Variants in ATP10D observed in about 807,000 individuals in gnomAD.
ATP10D encodes ATPase phospholipid transporting 10D (putative), also known as phospholipid-transporting ATPase VD.
In ATP10D, 89 loss-of-function variants were observed where a neutral mutation model predicts 144.8. The observed-to-expected ratio is 0.61, with a 90% confidence interval of 0.52 to 0.73. The LOEUF (loss-of-function observed/expected upper bound fraction) is 0.73, where lower values mean the gene tolerates loss of function less well. Among genes scored for constraint, ATP10D ranks in the 30% least tolerant of loss-of-function variants. ATP10D has a pLI of 0.00. For synonymous variants in ATP10D, 571 were observed against 615.1 expected, an observed-to-expected ratio of 0.93 and a Z score of 1.06; for missense variants, 1,603 against 1,714.8, an observed-to-expected ratio of 0.93 and a Z score of 1.15.
In ATP10D at chr4:47,535,940, C is replaced by A. The variant is rs773093019; in HGVS notation, c.922C>A (p.Arg308=). 3.7e-6 allele frequency: 6 copies of A among 1,612,842 alleles called. No homozygotes were observed. In the South Asian group the frequency reaches 5.5e-5, roughly 15 times the overall value. ...TKAMLNNSGP[R]YKRSKLERRA... ...AGCAATGCTGAACAACAGTGGGCCA[C>A]GGTATAAGCGCAGCAAATTAGAAAG... Residue 308 remains arginine, a synonymous_variant, in exon 7 of 23, where the codon CGG becomes AGG. Transcript: ENST00000273859.
At position 47,531,235 on chromosome 4, in the gene ATP10D, A is replaced by G. The variant is rs182097097; in HGVS notation, c.777-4274A>G. Among the ~76,000 whole-genome samples, 353 of 152,320 alleles carry G rather than the reference A, an allele frequency of 2.3e-3. 3 individuals are homozygous for G. The highest frequency in any genetic ancestry group is 7.5e-3 in the African/African-American group (310 of 41,566). On this transcript the variant is annotated intron_variant, in intron 5 of 22. Transcript: ENST00000273859. ...ATAGCATCTGTAAGTAGCACTGGAT[A>G]CAGACATCTGATAGGGTAGGGACAG...
chr4:47,538,544 C>G (rs1477304285), intron 9 of ATP10D, among the ~76,000 whole-genome samples: 1 of 152,168 alleles, frequency 6.6e-6, no homozygotes, highest in Non-Finnish European at 1.5e-5. Flanking sequence ...CACAAATATG[C>G]TGTCTCACAG....
rs146303782 is a variant in ATP10D, at chr4:47,486,037, C to T, written c.-38+518C>T. 5.9e-3 allele frequency among the ~76,000 whole-genome samples: 902 copies of T among 152,214 alleles called. 7 individuals carry two copies. The highest frequency in any genetic ancestry group is 0.027 in the Middle Eastern group (8 of 294). On this transcript the variant is annotated intron_variant, in intron 1 of 22. Transcript: ENST00000273859. ...AAGGTTGATTCCCTAAGGTTGATTC[C>T]TTAGGAAGAAAAAGGTGTTTGTATT... is the stretch of plus-strand genomic sequence containing the variant.
At chr4:47,549,876 C>T (rs977467750) in intron 10 of ATP10D, among the ~76,000 whole-genome samples, 8 of 151,192 alleles carry the variant, frequency 5.3e-5, no homozygotes, top group African/African-American at 1.7e-4. Flanking sequence ...TACGTGCAGA[C>T]GTTCAGAACC....
intron 21 of ATP10D, among the ~76,000 whole-genome samples, chr4:47,585,029 C>T (rs1259375918): frequency 6.6e-6 from 1 of 152,134 alleles, no homozygotes; most frequent in African/African-American, 2.4e-5. Flanking sequence ...ACCAATAGTA[C>T]ACACCATGAT....
intron 9 of ATP10D, among the ~76,000 whole-genome samples, chr4:47,543,811 G>A (rs1305536078): frequency 6.7e-6 from 1 of 148,654 alleles, no homozygotes; most frequent in African/African-American, 2.5e-5. Flanking sequence ...AGATAAAAAG[G>A]AAATAGGTAT....
intron 1 of ATP10D, among the ~76,000 whole-genome samples, chr4:47,504,564 C>CA (rs1553891069): frequency 6.7e-6 from 1 of 149,082 alleles, no homozygotes; most frequent in Non-Finnish European, 1.5e-5. Context: ...GTCAAGGAGA[C>CA]TTTTTTTTTT....
At chr4:47,572,756 A>C in intron 17 of ATP10D, 116 bp from the exon 18 acceptor site, 1 of 1,345,726 alleles carries the variant, frequency 7.4e-7, no homozygotes, top group South Asian at 1.3e-5. Context: ...TGTATGGAAC[A>C]AATGCGGTCA....
intron 22 of ATP10D, 97 bp downstream of exon 22, chr4:47,587,303 T>G: frequency 9.4e-7 from 1 of 1,067,646 alleles, no homozygotes; most frequent in Non-Finnish European, 1.4e-6. Context: ...CAGCCCACCC[T>G]GTTTAGTAGT....
chr4:47,572,630 C>T (rs577604658), intron 17 of ATP10D, among the ~76,000 whole-genome samples: 48 of 128,484 alleles, frequency 3.7e-4, no homozygotes, highest in Non-Finnish European at 1.1e-4. Flanking sequence ...GTGGGAGTGT[C>T]CTATTTGTGC....
chr4:47,502,462 T>C (rs145573210), intron 1 of ATP10D, among the ~76,000 whole-genome samples: 115 of 140,126 alleles, frequency 8.2e-4, no homozygotes, highest in African/African-American at 2.9e-3. Context: ...AGAGTGAGAC[T>C]ACGTCTCATA....
chr4:47,499,579 T>C (rs989380003), intron 1 of ATP10D, among the ~76,000 whole-genome samples: 2 of 152,188 alleles, frequency 1.3e-5, no homozygotes, highest in African/African-American at 4.8e-5. Flanking sequence ...CTTATGGAAA[T>C]GCTTTGAAGA....
intron 3 of ATP10D, among the ~76,000 whole-genome samples, chr4:47,522,360 C>T (rs531391914): frequency 4.5e-4 from 68 of 152,276 alleles, no homozygotes; most frequent in Non-Finnish European, 7.6e-4. Flanking sequence ...GACCACAGAG[C>T]AGCATGAAGG....
At chr4:47,530,341 G>A (rs751002291) in intron 5 of ATP10D, among the ~76,000 whole-genome samples, 1 of 152,096 alleles carries the variant, frequency 6.6e-6, no homozygotes, top group South Asian at 2.1e-4. Flanking sequence ...CACCTAGTTT[G>A]TTGAGGATTT....
intron 1 of ATP10D, among the ~76,000 whole-genome samples, chr4:47,511,800 A>G (rs533150310): frequency 6.6e-6 from 1 of 152,250 alleles, no homozygotes; most frequent in South Asian, 2.1e-4. Flanking sequence ...GGTGTTATTT[A>G]TGTATTTATA....
chr4:47,517,341 G>A (rs116620955), intron 3 of ATP10D, among the ~76,000 whole-genome samples: 2,459 of 152,244 alleles, frequency 0.016, 40 homozygotes, highest in Admixed American at 0.025. Flanking sequence ...GCCTGAGCCC[G>A]GGAGGTGGAG....
rs1718908996 is a variant in ATP10D, at chr4:47,555,029, A to T, written c.1824+115A>T. On this transcript the variant is annotated intron_variant, in intron 11 of 22. Coordinates refer to ENST00000273859, the MANE Select transcript of ATP10D (RefSeq NM_020453.4). ...AAAAATGATAAATAATAGTAGCTGT[A>T]TAACACTGATTCAGCATTTGTTCTG... 8.8e-6 allele frequency: 8 copies of T among 907,834 alleles called. No homozygotes were observed. The Admixed American group carries it at 1.8e-4, about 21-fold the overall frequency. The allele number at this position is 907,834 out of a possible 1,614,324, so 56.2% of individuals were successfully genotyped here. A position where few individuals can be genotyped will look rare whatever the true frequency, so the allele number is the denominator to read the frequency against.
chr4:47,507,992 A>T (rs1716113043), intron 1 of ATP10D, among the ~76,000 whole-genome samples: 1 of 152,170 alleles, frequency 6.6e-6, no homozygotes, highest in African/African-American at 2.4e-5. Flanking sequence ...TCCTTAACTC[A>T]TTGGGAGTAC....
intron 5 of ATP10D, among the ~76,000 whole-genome samples, chr4:47,532,941 C>G (rs984759333): frequency 6.6e-6 from 1 of 152,118 alleles, no homozygotes; most frequent in African/African-American, 2.4e-5. Context: ...TATGTGACAG[C>G]CAGTGCCTCA....
Sources: allele counts gnomAD v4.1 joint callset (sites outside exome capture counted in the v4.1 genomes callset), GRCh38; gene constraint gnomAD v4.1.1; transcripts MANE v1.5; gene names NCBI Gene and HGNC (gene_info 2026-07-23, HGNC 2026-07-21).